GPR89B: variants seen among roughly 807,000 people sequenced by gnomAD.
The protein encoded by GPR89B is G protein-coupled receptor 89B.
A neutral mutation model predicts 52.4 loss-of-function variants in GPR89B; 25 were observed. The ratio of observed to expected loss-of-function variants is 0.48; its 90% CI spans 0.35 to 0.67. GPR89B has a LOEUF of 0.67. Ranked by LOEUF, GPR89B falls within the 30% of genes least tolerant of loss-of-function variation. The pLI is 0.01. For synonymous variants in GPR89B, 52 were observed against 151.2 expected, an observed-to-expected ratio of 0.34 and a Z score of 4.81; for missense variants, 146 against 450.2, an observed-to-expected ratio of 0.32 and a Z score of 6.11.
At chr1:147,997,871 A>G (rs1167736926), downstream of GPR89B, among the ~76,000 whole-genome samples, 3 of 152,140 alleles carry the variant, frequency 2.0e-5, no homozygotes, top group African/African-American at 7.2e-5. Context: ...CTGCTTGCCA[A>G]TACCCTCCCC....
downstream of GPR89B, chr1:147,995,994 T>TGAATATGGAAGTTATAGCCTTCATAAA: frequency 1.2e-6 from 1 of 848,572 alleles, no homozygotes; most frequent in Non-Finnish European, 1.9e-6. Flanking sequence ...TTTAATCATG[T>TGAATATGGAAGTTATAGCCTTCATAAA]TATTATTTCT....
intron 12 of GPR89B, among the ~76,000 whole-genome samples, chr1:147,991,703 A>G (rs1659083985): frequency 6.6e-6 from 1 of 152,160 alleles, no homozygotes; most frequent in African/African-American, 2.4e-5. Context: ...TATTGAGATA[A>G]CCATGTGGTT....
At chr1:147,997,826 C>T (rs1392100433), downstream of GPR89B, among the ~76,000 whole-genome samples, 11 of 144,036 alleles carry the variant, frequency 7.6e-5, no homozygotes, top group Non-Finnish European at 1.5e-4. Flanking sequence ...GTTATATGGT[C>T]ACATATTGTA....
intron 7 of GPR89B, among the ~76,000 whole-genome samples, chr1:147,964,252 A>G (rs1465059057): frequency 6.6e-6 from 1 of 152,044 alleles, no homozygotes; most frequent in East Asian, 1.9e-4. Flanking sequence ...TTAACTAAAA[A>G]AAAGTAATGG....
Position 147,970,491 on chromosome 1 carries a change from ATCTCTCTC to A in GPR89B, c.909+568_909+575del, listed in dbSNP as rs1174595676. Among the ~76,000 whole-genome samples, 183 of 105,810 alleles carry A rather than the reference ATCTCTCTC, an allele frequency of 1.7e-3. 1 individual carries two copies. Among genetic ancestry groups the A allele is most frequent in the Middle Eastern group, 5.9e-3 (1 of 170 alleles). The allele number at this position is 105,810 out of a possible 152,430, so 69.4% of individuals were successfully genotyped here. A position where few individuals can be genotyped will look rare whatever the true frequency, so the allele number is the denominator to read the frequency against. On this transcript the variant is annotated intron_variant, in intron 10 of 13. Transcript: ENST00000314163. ...CAGCCTGGGGAGAGGGTGAGACTCC[ATCTCTCTC>A]TCTCTCTCTCTCTCTCTCTCTCTCT...
intron 10 of GPR89B, among the ~76,000 whole-genome samples, chr1:147,972,154 G>A (rs1487598957): frequency 1.3e-5 from 2 of 148,594 alleles, no homozygotes; most frequent in Admixed American, 1.3e-4. Context: ...TGTATCAGTA[G>A]TTTATTCTTT....
At chr1:147,959,672 G>A (rs1279908985) in intron 7 of GPR89B, among the ~76,000 whole-genome samples, 2 of 152,054 alleles carry the variant, frequency 1.3e-5, no homozygotes, top group Non-Finnish European at 2.9e-5. Flanking sequence ...CAAAATCTCA[G>A]TATAAACCCT....
At chr1:147,940,692 G>A (rs1654488479) in intron 3 of GPR89B, among the ~76,000 whole-genome samples, 1 of 152,146 alleles carries the variant, frequency 6.6e-6, no homozygotes, top group South Asian at 2.1e-4. Context: ...AAACAAACGA[G>A]CATGGCCATG....
rs1190322155 is a variant in GPR89B, at chr1:147,969,798, A to G, written c.817-69A>G. The G allele has an allele frequency of 1.2e-5, 18 of 1,504,458 alleles. No individual in the cohort carries two copies. In the East Asian group the frequency reaches 1.2e-4, roughly 10 times the overall value. The allele number at this position is 1,504,458 out of a possible 1,614,324, so 93.2% of individuals were successfully genotyped here. Reference sequence around the variant, plus strand: ...AACCTGAACAGTGATTCATAGAGGGAAGAATACTTGTGTTGAATATAAATT... The same window carrying G: ...AACCTGAACAGTGATTCATAGAGGGGAGAATACTTGTGTTGAATATAAATT... On this transcript the variant is annotated intron_variant, in intron 9 of 13. Coordinates refer to ENST00000314163, the MANE Select transcript of GPR89B (RefSeq NM_016334.5).
intron 10 of GPR89B, among the ~76,000 whole-genome samples, chr1:147,976,712 C>A (rs1413196342): frequency 5.9e-5 from 9 of 151,844 alleles, no homozygotes; most frequent in African/African-American, 2.2e-4. Context: ...ATTTTGCAGA[C>A]TTGTTATTGT....
intron 10 of GPR89B, among the ~76,000 whole-genome samples, chr1:147,983,996 C>T (rs1356937146): frequency 4.0e-5 from 6 of 151,258 alleles, no homozygotes; most frequent in Admixed American, 4.0e-4. Flanking sequence ...ACTATGCAGC[C>T]ATAAAAAATG....
intron 10 of GPR89B, among the ~76,000 whole-genome samples, chr1:147,982,438 G>A (rs1282361857): frequency 4.9e-5 from 7 of 143,532 alleles, no homozygotes; most frequent in Middle Eastern, 3.5e-3. Flanking sequence ...CAGGGGATGC[G>A]TGCTCCAATT....
At position 147,950,126 on chromosome 1, in the gene GPR89B, C is replaced by G. The variant is rs587710425; in HGVS notation, c.416-3219C>G. ...GTGGCTGCCGGGCAGAGACGCTCCTCACTTCCCAGACGGGGTGGCTGCCGG... is the reference window on the plus strand; with the variant it reads ...GTGGCTGCCGGGCAGAGACGCTCCTGACTTCCCAGACGGGGTGGCTGCCGG... On this transcript the variant is annotated intron_variant, in intron 5 of 13. Coordinates refer to ENST00000314163, the MANE Select transcript of GPR89B (RefSeq NM_016334.5). Among the ~76,000 whole-genome samples the G allele has an allele frequency of 6.3e-3, 951 of 151,852 alleles. 4 individuals carry two copies. Among genetic ancestry groups the G allele is most frequent in the African/African-American group, 0.022 (915 of 41,330 alleles).
intron 7 of GPR89B, among the ~76,000 whole-genome samples, chr1:147,956,927 G>A (rs1485176681): frequency 3.3e-5 from 5 of 151,794 alleles, no homozygotes; most frequent in Middle Eastern, 3.4e-3. Flanking sequence ...TGGTAGAGAC[G>A]GGGTTTCACC....
the GPR89B span, among the ~76,000 whole-genome samples, chr1:148,020,618 G>A: frequency 6.6e-6 from 1 of 151,766 alleles, no homozygotes; most frequent in Non-Finnish European, 1.5e-5. Context: ...AAAAGGAGGG[G>A]AAGGGGGGAA....
rs1478429476 is a variant in GPR89B, at chr1:147,969,204, T to C, written c.816+241T>C. On this transcript the variant is annotated intron_variant, in intron 9 of 13. Coordinates refer to ENST00000314163, the MANE Select transcript of GPR89B (RefSeq NM_016334.5). ...TGGTGGGATAGTCAGAAGAGGCTTT[T>C]CAACATTTAGGAAGGTGGCACGTAC... The C allele has an allele frequency of 1.5e-5, 7 of 467,058 alleles. No homozygotes were observed. The East Asian group carries it at 2.3e-4, about 15-fold the overall frequency. 28.9% of individuals were successfully genotyped at this position (467,058 alleles called of 1,614,324 possible). A position where few individuals can be genotyped will look rare whatever the true frequency, so the allele number is the denominator to read the frequency against.
At chr1:148,020,466 G>T in the GPR89B span, among the ~76,000 whole-genome samples, 948 of 151,474 alleles carry the variant, frequency 6.3e-3, 11 homozygotes, top group Non-Finnish European at 0.01. Flanking sequence ...ACAGCTCGGG[G>T]TCAGGAGGCG....
At chr1:148,005,409 A>C in the GPR89B span, 7 of 1,589,036 alleles carry the variant, frequency 4.4e-6, no homozygotes, top group Middle Eastern at 4.5e-4. Flanking sequence ...CATCCTCTAC[A>C]TTCTCTCCAT....
chr1:148,005,607 GA>G, the GPR89B span: 1 of 1,162,406 alleles, frequency 8.6e-7, no homozygotes, highest in African/African-American at 1.6e-5. Flanking sequence ...CCAGTCCTGT[GA>G]TTGCCTCCCG....
Sources: allele counts gnomAD v4.1 joint callset (sites outside exome capture counted in the v4.1 genomes callset), GRCh38; gene constraint gnomAD v4.1.1; transcripts MANE v1.5; gene names NCBI Gene and HGNC (gene_info 2026-07-23, HGNC 2026-07-21).